The following NCOA1 variants were observed in gnomAD, a reference collection of about 807,000 sequenced individuals.
The protein encoded by NCOA1 is Hin-2 protein.
A neutral mutation model predicts 150.9 loss-of-function variants in NCOA1; 35 were observed. That is an observed-to-expected ratio of 0.23 (90% CI 0.18 to 0.31). NCOA1 has a LOEUF of 0.31. NCOA1 is among the 10% of genes least tolerant of loss of function. The pLI is 1.00. For synonymous variants in NCOA1, 590 were observed against 630.0 expected, an observed-to-expected ratio of 0.94 and a Z score of 0.95; for missense variants, 1,491 against 1,749.3, an observed-to-expected ratio of 0.85 and a Z score of 2.63.
In NCOA1 at chr2:24,543,993, C is replaced by G. The variant is rs538256930; in HGVS notation, c.-395-20302C>G. 3.9e-5 allele frequency among the ~76,000 whole-genome samples: 6 copies of G among 152,038 alleles called. No individual in the cohort carries two copies. In the South Asian group the frequency reaches 8.3e-4, roughly 21 times the overall value. ...AAGCTGTCTTGTGTATTCATTTGTTCTAACAAGAAATTTTTCTAGGTGGGA... is the reference window on the plus strand; with the variant it reads ...AAGCTGTCTTGTGTATTCATTTGTTGTAACAAGAAATTTTTCTAGGTGGGA... On this transcript the variant is annotated intron_variant, in intron 1 of 22. Transcript: ENST00000348332.
At chr2:24,711,134 C>T (rs757343589) in intron 14 of NCOA1, 23 bp downstream of exon 14, 45 of 1,593,158 alleles carry the variant, frequency 2.8e-5, no homozygotes, top group Non-Finnish European at 3.7e-5. Flanking sequence ...GACAACACCT[C>T]ATTTTAAACG....
At chr2:24,700,024 T>C (rs1048399431) in intron 11 of NCOA1, among the ~76,000 whole-genome samples, 1 of 151,942 alleles carries the variant, frequency 6.6e-6, no homozygotes, top group African/African-American at 2.4e-5. Flanking sequence ...AGTCCTGTAA[T>C]CCCAGCTACT....
Position 24,710,824 on chromosome 2 carries a change from C to T in NCOA1, c.2419-107C>T, listed in dbSNP as rs1673713256. Reference sequence around the variant, plus strand: ...ATTATTTCTTCTTTCTTCATTATCTCAAAGTCACACTGAATTCATAGAGTT... The same window carrying T: ...ATTATTTCTTCTTTCTTCATTATCTTAAAGTCACACTGAATTCATAGAGTT... On this transcript the variant is annotated intron_variant, in intron 13 of 22. Coordinates refer to ENST00000348332, the MANE Select transcript of NCOA1 (RefSeq NM_003743.5). 1.0e-5 allele frequency: 11 copies of T among 1,077,116 alleles called. No homozygotes were observed. The Middle Eastern group carries it at 6.9e-4, about 68-fold the overall frequency. The allele number at this position is 1,077,116 out of a possible 1,614,324, so 66.7% of individuals were successfully genotyped here. A position where few individuals can be genotyped will look rare whatever the true frequency, so the allele number is the denominator to read the frequency against.
chr2:24,629,309 T>G (rs1669568947), intron 3 of NCOA1, among the ~76,000 whole-genome samples: 1 of 152,132 alleles, frequency 6.6e-6, no homozygotes. Context: ...AACATAAATA[T>G]AATGGTGCGT....
chr2:24,627,208 A>G (rs1184257566), intron 3 of NCOA1, among the ~76,000 whole-genome samples: 1 of 145,720 alleles, frequency 6.9e-6, no homozygotes, highest in African/African-American at 2.6e-5. Context: ...GCATGTCACC[A>G]TATGGAAAGT....
intron 1 of NCOA1, among the ~76,000 whole-genome samples, chr2:24,538,908 G>C (rs1350145927): frequency 6.6e-6 from 1 of 152,168 alleles, no homozygotes; most frequent in Admixed American, 6.5e-5. Flanking sequence ...ACAGCGTAGT[G>C]ATACAAAGAG....
At chr2:24,526,436 C>T (rs1664654340) in intron 1 of NCOA1, among the ~76,000 whole-genome samples, 1 of 151,724 alleles carries the variant, frequency 6.6e-6, no homozygotes, top group Non-Finnish European at 1.5e-5. Context: ...GTAACATGAG[C>T]CATGGATTTA....
intron 2 of NCOA1, among the ~76,000 whole-genome samples, chr2:24,566,228 G>A (rs142551418): frequency 1.4e-3 from 209 of 152,288 alleles, no homozygotes; most frequent in Admixed American, 3.1e-3. Flanking sequence ...GCTCCTTTCT[G>A]CAGCCAGGGT....
chr2:24,715,348 G>A (rs1673970100), intron 14 of NCOA1, among the ~76,000 whole-genome samples: 1 of 152,084 alleles, frequency 6.6e-6, no homozygotes, highest in African/African-American at 2.4e-5. Flanking sequence ...GAAGAAAAAT[G>A]TATGACAGTA....
At chr2:24,593,298 C>T (rs1667736008) in intron 3 of NCOA1, among the ~76,000 whole-genome samples, 1 of 152,032 alleles carries the variant, frequency 6.6e-6, no homozygotes, top group African/African-American at 2.4e-5. Context: ...GATCAGTCTA[C>T]CCTGGACTGG....
At chr2:24,729,431 A>G in intron 16 of NCOA1, 70 bp from the exon 17 acceptor site, 8 of 1,395,126 alleles carry the variant, frequency 5.7e-6, no homozygotes, top group East Asian at 2.3e-5. Context: ...GGTGCTTTCT[A>G]GAAATACGGA....
At chr2:24,639,930 A>ATATGTG (rs1377279457) in intron 3 of NCOA1, among the ~76,000 whole-genome samples, 1 of 20,988 alleles carries the variant, frequency 4.8e-5, no homozygotes, top group African/African-American at 1.7e-4. Context: ...ATATATATAT[A>ATATGTG]TATATATATA....
intron 3 of NCOA1, among the ~76,000 whole-genome samples, chr2:24,621,084 C>G (rs1289571014): frequency 6.6e-6 from 1 of 152,122 alleles, no homozygotes; most frequent in Non-Finnish European, 1.5e-5. Flanking sequence ...GCCCTCTTAT[C>G]TACCCTGCTT....
At chr2:24,520,327 A>C (rs114811857) in intron 1 of NCOA1, among the ~76,000 whole-genome samples, 2,111 of 152,328 alleles carry the variant, frequency 0.014, 51 homozygotes, top group African/African-American at 0.049. Context: ...GTTATTTTTA[A>C]TACTCCCAAA....
intron 22 of NCOA1, among the ~76,000 whole-genome samples, chr2:24,763,958 G>T (rs1183110767): frequency 1.3e-5 from 2 of 152,072 alleles, no homozygotes; most frequent in African/African-American, 2.4e-5. Context: ...TTAACCCAGG[G>T]ATTATGCCAC....
At chr2:24,703,195 A>G (rs1673250467) in intron 11 of NCOA1, among the ~76,000 whole-genome samples, 1 of 152,198 alleles carries the variant, frequency 6.6e-6, no homozygotes, top group African/African-American at 2.4e-5. Context: ...ATTAAGTCTT[A>G]AACTTGTAAA....
chr2:24,680,979 G>A (rs1017381686), intron 7 of NCOA1, among the ~76,000 whole-genome samples: 1 of 151,766 alleles, frequency 6.6e-6, no homozygotes, highest in Non-Finnish European at 1.5e-5. Flanking sequence ...CACAAACTGT[G>A]CAGAGGTTTT....
intron 5 of NCOA1, among the ~76,000 whole-genome samples, chr2:24,659,696 T>C (rs1671094018): frequency 6.6e-6 from 1 of 152,168 alleles, no homozygotes; most frequent in Non-Finnish European, 1.5e-5. Flanking sequence ...TTCTAGGATT[T>C]AGAGGAAAGT....
chr2:24,547,884 G>T (rs1665665011), intron 1 of NCOA1, among the ~76,000 whole-genome samples: 1 of 150,314 alleles, frequency 6.7e-6, no homozygotes, highest in Non-Finnish European at 1.5e-5. Context: ...AGCTACTCGG[G>T]AGACTGAGGC....
Sources: allele counts gnomAD v4.1 joint callset (sites outside exome capture counted in the v4.1 genomes callset), GRCh38; gene constraint gnomAD v4.1.1; transcripts MANE v1.5; gene names NCBI Gene and HGNC (gene_info 2026-07-23, HGNC 2026-07-21).